The following TXNDC11 variants were observed in gnomAD, a reference collection of about 807,000 sequenced individuals.
The protein encoded by TXNDC11 is thioredoxin domain containing 11.
Under a neutral mutation model 78.0 loss-of-function variants are expected in TXNDC11, and 68 were observed. The ratio of observed to expected loss-of-function variants is 0.87; its 90% CI spans 0.72 to 1.07. The LOEUF (loss-of-function observed/expected upper bound fraction) is 1.07, where lower values mean the gene tolerates loss of function less well. Among genes scored for constraint, TXNDC11 ranks in the 50% least tolerant of loss-of-function variants. TXNDC11 has a pLI of 0.00. For synonymous variants in TXNDC11, 571 were observed against 495.2 expected, an observed-to-expected ratio of 1.15 and a Z score of -2.03; for missense variants, 1,389 against 1,221.8, an observed-to-expected ratio of 1.14 and a Z score of -2.04.
intron 5 of TXNDC11, among the ~76,000 whole-genome samples, chr16:11,719,232 T>TA (rs1241138816): frequency 6.6e-6 from 1 of 152,254 alleles, no homozygotes; most frequent in Middle Eastern, 3.2e-3. Context: ...GGTTACCCTT[T>TA]TATATAGTCT....
Position 11,679,762 on chromosome 16 carries a change from G to C in TXNDC11, c.2310C>G (p.His770Gln). Residue 770 changes from histidine (H) to glutamine (Q), a missense_variant, in exon 12 of 12, where the codon CAC becomes CAG. Physicochemically the swap from His to Gln is conservative, Grantham distance 24. Coordinates refer to ENST00000283033, the MANE Select transcript of TXNDC11 (RefSeq NM_015914.7). This position sits in a 1 kb window ranked among gnomAD's most constrained non-coding sequence, Gnocchi z 4.6. ...TCTGGGGGCTGGAAGCAGGGTCTGA[G>C]TGATGCAAAATGAACCTCAACAGGT... ...LPNLLRFILHHSDPASSPQNV... is the reference protein window; with the variant it reads ...LPNLLRFILHQSDPASSPQNV... 6.2e-7 allele frequency: 1 copy of C among 1,614,178 alleles called. No individual in the cohort carries two copies. Among genetic ancestry groups the C allele is most frequent in the Non-Finnish European group, 8.5e-7 (1 of 1,180,016 alleles).
intron 5 of TXNDC11, chr16:11,721,326 A>C (rs932896905): frequency 2.8e-5 from 7 of 248,004 alleles, no homozygotes; most frequent in Non-Finnish European, 4.8e-5. Context: ...ATGTAACTCC[A>C]GCTACTCAGG....
rs369515460 is a variant in TXNDC11, at chr16:11,700,516, G to A, written c.842C>T (p.Ala281Val). Residue 281 changes from alanine to valine, a missense_variant, in exon 6 of 12, where the codon GCG becomes GTG. Transcript: ENST00000283033. ...AGAGTGTACTAAGGATACCAGTTTC[G>A]CAAGATGTTTATTTGTGATAACCCC... ...RFGVITNKHL[A>V]KLVSLVHSGS... 1.1e-5 allele frequency: 18 copies of A among 1,606,522 alleles called. No individual in the cohort carries two copies. Among genetic ancestry groups the A allele is most frequent in the East Asian group, 2.2e-5 (1 of 44,868 alleles).
intron 5 of TXNDC11, among the ~76,000 whole-genome samples, chr16:11,701,230 G>C (rs1347121970): frequency 7.0e-6 from 1 of 143,278 alleles, no homozygotes; most frequent in African/African-American, 2.6e-5. Context: ...TCCGTCTCAT[G>C]GGCTCAAGCA....
intron 5 of TXNDC11, among the ~76,000 whole-genome samples, chr16:11,720,460 G>A (rs1461802967): frequency 6.8e-6 from 1 of 146,486 alleles, no homozygotes; most frequent in Non-Finnish European, 1.5e-5. Context: ...CTGTCACCCA[G>A]GCTGGAGTGC....
At chr16:11,700,951 G>A (rs763710618) in intron 5 of TXNDC11, among the ~76,000 whole-genome samples, 1 of 152,056 alleles carries the variant, frequency 6.6e-6, no homozygotes, top group Non-Finnish European at 1.5e-5. Context: ...TCTGTGAGAA[G>A]CCTTCCTTGA....
chr16:11,722,124 A>G (rs909235930), intron 4 of TXNDC11, among the ~76,000 whole-genome samples: 1 of 152,186 alleles, frequency 6.6e-6, no homozygotes, highest in Non-Finnish European at 1.5e-5. Context: ...CATTGACTCC[A>G]AACATACCTT....
chr16:11,706,872 G>T (rs2051195895), intron 5 of TXNDC11, among the ~76,000 whole-genome samples: 1 of 152,112 alleles, frequency 6.6e-6, no homozygotes, highest in South Asian at 2.1e-4. Context: ...AACAACATGG[G>T]TTTGAACTGC....
At chr16:11,693,884 T>C (rs538165754) in intron 7 of TXNDC11, among the ~76,000 whole-genome samples, 2 of 152,252 alleles carry the variant, frequency 1.3e-5, no homozygotes, top group South Asian at 4.1e-4. Context: ...AATAGACAAC[T>C]ACTCCCACCC....
At chr16:11,721,225 C>T (rs990909673) in intron 5 of TXNDC11, 41 of 180,710 alleles carry the variant, frequency 2.3e-4, no homozygotes, top group African/African-American at 6.2e-4. Context: ...GATCACCTGA[C>T]GTCAGGAGTT....
intron 7 of TXNDC11, among the ~76,000 whole-genome samples, chr16:11,696,483 A>G (rs935386100): frequency 4.6e-5 from 7 of 152,218 alleles, no homozygotes; most frequent in Non-Finnish European, 8.8e-5. Flanking sequence ...TGTCGCATCT[A>G]TCCTTTCTCC....
At chr16:11,710,130 A>C (rs952886212) in intron 5 of TXNDC11, among the ~76,000 whole-genome samples, 3 of 152,174 alleles carry the variant, frequency 2.0e-5, no homozygotes, top group South Asian at 4.1e-4. Context: ...GTGACAGAGC[A>C]AGACTCCATC....
In TXNDC11 at chr16:11,742,679, C is replaced by G; in HGVS notation, c.52G>C (p.Glu18Gln). 1 of 1,471,728 alleles carries G rather than the reference C, an allele frequency of 6.8e-7. No homozygotes were observed. Among genetic ancestry groups the G allele is most frequent in the Non-Finnish European group, 8.9e-7 (1 of 1,118,972 alleles). The allele number at this position is 1,471,728 out of a possible 1,614,324, so 91.2% of individuals were successfully genotyped here. ...GGGSSSSEDA[E>Q]DEGGGGGGPA... ...CCGCCGCCGCCCCCTCCCTCGTCCT[C>G]GGCGTCCTCGCTGCTGCTGCTGCCG... is the stretch of plus-strand genomic sequence containing the variant. Residue 18 changes from glutamate to glutamine, a missense_variant, in exon 1 of 12, where the codon GAG becomes CAG. By Grantham distance (29) the Glu-to-Gln change is conservative (BLOSUM62 2). Coordinates refer to ENST00000283033, the MANE Select transcript of TXNDC11 (RefSeq NM_015914.7).
chr16:11,699,066 A>G (rs960649764), intron 6 of TXNDC11, among the ~76,000 whole-genome samples: 3 of 152,232 alleles, frequency 2.0e-5, no homozygotes, highest in Non-Finnish European at 4.4e-5. Context: ...GGTGCTTCAG[A>G]GGGTTCTGAA....
At position 11,693,180 on chromosome 16, in the gene TXNDC11, G is replaced by GT. The variant is rs534875160; in HGVS notation, c.1108-1099dup. On this transcript the variant is annotated intron_variant, in intron 7 of 11. Transcript: ENST00000283033. ...TGCTCAGTAAACCCCTGATGAATGAGTGGCAGCTCAGGGTAATGCACACAA... is the reference window on the plus strand; with the variant it reads ...TGCTCAGTAAACCCCTGATGAATGAGTTGGCAGCTCAGGGTAATGCACACAA... 5.3e-5 allele frequency among the ~76,000 whole-genome samples: 8 copies of GT among 152,322 alleles called. 1 individual carries two copies. The highest frequency in any genetic ancestry group is 1.9e-4 in the African/African-American group (8 of 41,562).
intron 6 of TXNDC11, 46 bp from the exon 7 acceptor site, chr16:11,698,371 G>A (rs770458247): frequency 1.9e-6 from 3 of 1,568,770 alleles, no homozygotes; most frequent in East Asian, 2.2e-5. Context: ...CTCGTGAGGT[G>A]GGGCAAGCTC....
intron 7 of TXNDC11, among the ~76,000 whole-genome samples, chr16:11,695,513 C>T (rs916305922): frequency 1.3e-5 from 2 of 152,198 alleles, no homozygotes; most frequent in African/African-American, 4.8e-5. Flanking sequence ...GAATTTACAG[C>T]TCATCTTGCG....
intron 7 of TXNDC11, among the ~76,000 whole-genome samples, chr16:11,693,237 C>T (rs976777486): frequency 6.6e-6 from 1 of 152,136 alleles, no homozygotes; most frequent in Non-Finnish European, 1.5e-5. Context: ...GCCACTTTAC[C>T]GTCAAGCCAG....
intron 3 of TXNDC11, among the ~76,000 whole-genome samples, chr16:11,733,193 C>A (rs909792230): frequency 3.3e-5 from 5 of 151,996 alleles, no homozygotes; most frequent in Non-Finnish European, 5.9e-5. Flanking sequence ...GAGGCGGAGG[C>A]TGCAGTGAGC....
Sources: gnomAD v4.1 joint callset for allele counts (sites outside exome capture counted in the v4.1 genomes callset) on GRCh38, gnomAD v4.1.1 for gene constraint, Gnocchi (gnomAD v3.1) non-coding constraint, MANE v1.5 for transcripts, NCBI Gene and HGNC (gene_info 2026-07-23, HGNC 2026-07-21) for gene names.